FHOD3: variants seen among roughly 807,000 people sequenced by gnomAD.
FHOD3 encodes the protein FH1/FH2 domain-containing protein 3.
A neutral mutation model predicts 173.0 loss-of-function variants in FHOD3; 90 were observed. That is an observed-to-expected ratio of 0.52 (90% CI 0.44 to 0.62). The LOEUF (loss-of-function observed/expected upper bound fraction) is 0.62, where lower values mean the gene tolerates loss of function less well. FHOD3 is among the 20% of genes least tolerant of loss of function. FHOD3 has a pLI of 0.00. For missense variants in FHOD3, 1,945 were observed against 2,034.7 expected, an observed-to-expected ratio of 0.96 and a Z score of 0.85; for synonymous variants, 828 against 823.0, an observed-to-expected ratio of 1.01 and a Z score of -0.10.
At chr18:36,357,280 G>T (rs1317333616) in intron 2 of FHOD3, among the ~76,000 whole-genome samples, 1 of 152,132 alleles carries the variant, frequency 6.6e-6, no homozygotes, top group Non-Finnish European at 1.5e-5. Flanking sequence ...GCTGCTAGTT[G>T]CACCTCTTCT....
chr18:36,419,968 G>A (rs974408264), intron 3 of FHOD3, among the ~76,000 whole-genome samples: 14 of 152,234 alleles, frequency 9.2e-5, no homozygotes, highest in Non-Finnish European at 1.3e-4. Context: ...GGAAGATACT[G>A]TATTGGCTTC....
chr18:36,658,136 C>T lies in FHOD3; in HGVS notation c.1783C>T (p.Pro595Ser), dbSNP rs140934653. Residue 595 changes from proline to serine, a missense_variant, in exon 14 of 29, where the codon CCC becomes TCC. Coordinates refer to ENST00000590592, the MANE Select transcript of FHOD3 (RefSeq NM_001281740.3). ...AAGACCCTCATCTGGATCCAGTGTG[C>T]CCACCACCCCCACATCATCCGTCTC... ...SSRPSSGSSV[P>S]TTPTSSVSPP... 333 of 1,592,278 alleles carry T rather than the reference C, an allele frequency of 2.1e-4. 2 individuals carry two copies. The highest frequency in any genetic ancestry group is 1.1e-3 in the South Asian group (98 of 88,304).
intron 3 of FHOD3, among the ~76,000 whole-genome samples, chr18:36,428,735 G>C (rs1244781366): frequency 6.6e-6 from 1 of 152,216 alleles, no homozygotes; most frequent in Non-Finnish European, 1.5e-5. Context: ...ACAGCAGAAT[G>C]ATCATTCCAG....
intron 7 of FHOD3, among the ~76,000 whole-genome samples, chr18:36,601,633 C>T (rs2031394935): frequency 6.6e-6 from 1 of 152,174 alleles, no homozygotes; most frequent in African/African-American, 2.4e-5. Flanking sequence ...ATCCAAGGAC[C>T]AGCATTTGGA....
At chr18:36,488,074 T>A (rs1006394567) in intron 3 of FHOD3, among the ~76,000 whole-genome samples, 1 of 152,226 alleles carries the variant, frequency 6.6e-6, no homozygotes, top group Non-Finnish European at 1.5e-5. Context: ...ATATCCATTC[T>A]TTTTTCTGAT....
Position 36,700,456 on chromosome 18 carries a change from C to T in FHOD3, c.2236+7033C>T, listed in dbSNP as rs560223311. Among the ~76,000 whole-genome samples the T allele has an allele frequency of 3.9e-5, 6 of 152,302 alleles. No individual in the cohort carries two copies. The East Asian group carries it at 7.7e-4, about 20-fold the overall frequency. On this transcript the variant is annotated intron_variant, in intron 17 of 28. Transcript: ENST00000590592. ...CGTGGCCCAATCATTTAAGCTGGAA[C>T]ATTCATATAATTTTTGATTCCTCCT...
intron 5 of FHOD3, among the ~76,000 whole-genome samples, chr18:36,570,473 A>T (rs896235821): frequency 3.3e-5 from 5 of 152,140 alleles, no homozygotes; most frequent in African/African-American, 1.2e-4. Context: ...ACATTTAAAG[A>T]TAAAATAAAA....
chr18:36,673,898 A>T (rs1031891174), intron 14 of FHOD3, among the ~76,000 whole-genome samples: 1 of 152,134 alleles, frequency 6.6e-6, no homozygotes, highest in Non-Finnish European at 1.5e-5. Context: ...TCCCTCTGAT[A>T]TATATATTTT....
intron 1 of FHOD3, among the ~76,000 whole-genome samples, chr18:36,344,220 AATT>A (rs2045773212): frequency 6.6e-6 from 1 of 152,226 alleles, no homozygotes; most frequent in Non-Finnish European, 1.5e-5. Flanking sequence ...GGCAAAAGGA[AATT>A]ATTATAGATA....
chr18:36,727,370 C>T (rs1222028999), intron 19 of FHOD3, among the ~76,000 whole-genome samples: 2 of 152,104 alleles, frequency 1.3e-5, no homozygotes, highest in Non-Finnish European at 1.5e-5. Flanking sequence ...GACAGCCCTA[C>T]CCAACCCACT....
chr18:36,310,893 C>A (rs1488614463), intron 1 of FHOD3, among the ~76,000 whole-genome samples: 5 of 151,844 alleles, frequency 3.3e-5, no homozygotes, highest in Non-Finnish European at 7.4e-5. Flanking sequence ...GTGAAGATAG[C>A]CCCCTGGAGG....
At chr18:36,732,959 A>G (rs1195409113) in intron 20 of FHOD3, among the ~76,000 whole-genome samples, 2 of 152,220 alleles carry the variant, frequency 1.3e-5, no homozygotes, top group African/African-American at 4.8e-5. Flanking sequence ...CATCTGCCCC[A>G]TAAGCCAGTG....
At chr18:36,381,653 A>G (rs759424294) in intron 3 of FHOD3, among the ~76,000 whole-genome samples, 4 of 138,090 alleles carry the variant, frequency 2.9e-5, no homozygotes, top group South Asian at 2.3e-4. Context: ...TGTAGATCCT[A>G]TTGTGCCAGA....
chr18:36,634,350 C>T (rs2034725478), intron 10 of FHOD3, among the ~76,000 whole-genome samples: 1 of 152,088 alleles, frequency 6.6e-6, no homozygotes. Context: ...AGCTCATCTT[C>T]CCATGTTTTG....
intron 3 of FHOD3, among the ~76,000 whole-genome samples, chr18:36,421,303 G>T (rs1261873455): frequency 6.6e-6 from 1 of 151,892 alleles, no homozygotes; most frequent in African/African-American, 2.4e-5. Context: ...ATAACAAAAA[G>T]ATACTTTTGA....
At chr18:36,742,698 T>C in intron 21 of FHOD3, 39 bp from the exon 22 acceptor site, 1 of 1,590,840 alleles carries the variant, frequency 6.3e-7, no homozygotes, top group Non-Finnish European at 8.5e-7. Flanking sequence ...AAACCCAAAT[T>C]GTACACTCTT....
intron 3 of FHOD3, among the ~76,000 whole-genome samples, chr18:36,424,603 G>C (rs2147135175): frequency 6.6e-6 from 1 of 152,250 alleles, no homozygotes; most frequent in South Asian, 2.1e-4. Context: ...ATGAATCTCA[G>C]ATCATTTACT....
At chr18:36,458,599 G>A (rs1476384201) in intron 3 of FHOD3, among the ~76,000 whole-genome samples, 3 of 151,902 alleles carry the variant, frequency 2.0e-5, no homozygotes, top group East Asian at 3.9e-4. Context: ...GCTACAATGA[G>A]GGGATGTGTG....
intron 3 of FHOD3, among the ~76,000 whole-genome samples, chr18:36,495,940 G>A (rs971613755): frequency 5.3e-5 from 8 of 152,194 alleles, no homozygotes; most frequent in African/African-American, 1.7e-4. Flanking sequence ...TCTAAAGAAG[G>A]GGTGATTGGA....
Sources: allele counts gnomAD v4.1 joint callset (sites outside exome capture counted in the v4.1 genomes callset), GRCh38; gene constraint gnomAD v4.1.1; transcripts MANE v1.5; gene names NCBI Gene and HGNC (gene_info 2026-07-23, HGNC 2026-07-21).